QSER1: variants seen among roughly 807,000 people sequenced by gnomAD.
QSER1 encodes the protein glutamine and serine rich 1, also known as glutamine and serine-rich protein 1.
Under a neutral mutation model 158.5 loss-of-function variants are expected in QSER1, and 49 were observed. The ratio of observed to expected loss-of-function variants is 0.31; its 90% CI spans 0.25 to 0.39. The LOEUF (loss-of-function observed/expected upper bound fraction) is 0.39, where lower values mean the gene tolerates loss of function less well. QSER1 is among the 10% of genes least tolerant of loss of function. The pLI is 1.00. For synonymous variants in QSER1, 650 were observed against 715.5 expected, an observed-to-expected ratio of 0.91 and a Z score of 1.46; for missense variants, 1,754 against 2,010.3, an observed-to-expected ratio of 0.87 and a Z score of 2.44.
rs762924840 is a variant in QSER1, at chr11:32,954,124, A to C, written c.4445A>C (p.Gln1482Pro). 1 of 1,614,074 alleles carries C rather than the reference A, an allele frequency of 6.2e-7. No individual in the cohort carries two copies. Among genetic ancestry groups the C allele is most frequent in the East Asian group, 2.2e-5 (1 of 44,884 alleles). The change falls in exon 5 of 13, where the codon CAA becomes CCA. Residue 1482 changes from glutamine (Q) to proline (P), a missense_variant. By Grantham distance (76) the Gln-to-Pro change is moderately conservative (BLOSUM62 -1). Transcript: ENST00000650167. ...GACACAGAAAGCGGAGGAGAAGGCC[A>C]ATACAGAGAGCGTGATGAATTTGTG... Reference protein sequence around the residue: ...EEDTESGGEGQYRERDEFVVK... With the variant: ...EEDTESGGEGPYRERDEFVVK...
chr11:32,904,238 G>T (rs1478058667), intron 1 of QSER1, among the ~76,000 whole-genome samples: 1 of 150,862 alleles, frequency 6.6e-6, no homozygotes, highest in Non-Finnish European at 1.5e-5. Flanking sequence ...TGTCACCCAG[G>T]CTGGAGTGCA....
intron 1 of QSER1, among the ~76,000 whole-genome samples, chr11:32,921,046 A>T (rs1333145127): frequency 1.3e-5 from 2 of 152,224 alleles, no homozygotes; most frequent in African/African-American, 4.8e-5. Context: ...AAAAACTTGT[A>T]CATGAATGTT....
At chr11:32,942,435 T>G (rs1049560037) in intron 4 of QSER1, among the ~76,000 whole-genome samples, 12 of 147,448 alleles carry the variant, frequency 8.1e-5, no homozygotes, top group African/African-American at 2.8e-4. Context: ...GGATCCAGTT[T>G]CAGCTTTCTA....
At chr11:32,914,035 C>T (rs1729751804) in intron 1 of QSER1, among the ~76,000 whole-genome samples, 1 of 152,128 alleles carries the variant, frequency 6.6e-6, no homozygotes, top group Non-Finnish European at 1.5e-5. Flanking sequence ...AATTATCAAA[C>T]TGGATTAGCT....
At position 32,957,916 on chromosome 11, in the gene QSER1, T is replaced by A; in HGVS notation, c.4799T>A (p.Leu1600Gln). Reference sequence around the variant, plus strand: ...AGTAGCAGTAAAACTTCTGATCCTCTAGCATCAAAAACTACAACTACAAAA... The same window carrying A: ...AGTAGCAGTAAAACTTCTGATCCTCAAGCATCAAAAACTACAACTACAAAA... ...PSSSSKTSDP[L>Q]ASKTTTTKAP... The change falls in exon 8 of 13, where the codon CTA (leucine) becomes CAA (glutamine). Residue 1600 changes from leucine to glutamine, a missense_variant. Coordinates refer to ENST00000650167, the MANE Select transcript of QSER1 (RefSeq NM_001076786.3). 6.2e-7 allele frequency: 1 copy of A among 1,614,152 alleles called. No individual in the cohort carries two copies. Among genetic ancestry groups the A allele is most frequent in the East Asian group, 2.2e-5 (1 of 44,862 alleles).
chr11:32,919,296 A>G (rs1274939067), intron 1 of QSER1, among the ~76,000 whole-genome samples: 2 of 152,156 alleles, frequency 1.3e-5, no homozygotes, highest in Non-Finnish European at 2.9e-5. Context: ...AATTTTTAAA[A>G]GTTTTTTAGA....
rs920606722 is a variant in QSER1 at position 32,934,213 on chromosome 11, A to G, written c.2955A>G (p.Ala985=). ...NILSNVDDIL[A]ATAAACGVTP... ...TATCAAATGTAGATGATATCTTAGC[A>G]GCTACAGCAGCAGCTTGTGGAGTTA... Residue 985 remains alanine (A), a synonymous_variant, in exon 4 of 13, where the codon GCA becomes GCG. Coordinates refer to ENST00000650167, the MANE Select transcript of QSER1 (RefSeq NM_001076786.3). The G allele has an allele frequency of 6.2e-7, 1 of 1,613,934 alleles. No homozygotes were observed. The highest frequency in any genetic ancestry group is 1.3e-5 in the African/African-American group (1 of 75,034).
chr11:32,967,561 T>A (rs2133604063), intron 9 of QSER1, among the ~76,000 whole-genome samples: 1 of 152,318 alleles, frequency 6.6e-6, no homozygotes, highest in South Asian at 2.1e-4. Flanking sequence ...CCATTGTATA[T>A]GTGGTCTGTC....
rs1285082689 is a variant in QSER1 at position 32,933,163 on chromosome 11, G to A, written c.1905G>A (p.Glu635=). Residue 635 remains glutamate, a synonymous_variant, in exon 4 of 13, where the codon GAG becomes GAA. Coordinates refer to ENST00000650167, the MANE Select transcript of QSER1 (RefSeq NM_001076786.3). ...MHSSQNVQTQ[E]SSSPQSQKFL... ...CTTCCCAAAATGTTCAGACTCAAGA[G>A]TCATCATCTCCCCAGTCCCAGAAGT... The A allele has an allele frequency of 5.6e-6, 9 of 1,613,716 alleles. No individual in the cohort carries two copies. Among genetic ancestry groups the A allele is most frequent in the Middle Eastern group, 3.3e-4 (2 of 6,054 alleles).
chr11:32,963,540 A>C (rs1456836997), intron 8 of QSER1, among the ~76,000 whole-genome samples: 1 of 151,938 alleles, frequency 6.6e-6, no homozygotes, highest in African/African-American at 2.4e-5. Context: ...TTTAGTAGAG[A>C]TGGGGTTTCA....
At chr11:32,946,029 C>A (rs982590167) in intron 4 of QSER1, among the ~76,000 whole-genome samples, 92 of 151,962 alleles carry the variant, frequency 6.1e-4, no homozygotes, top group Admixed American at 1.3e-3. Flanking sequence ...TTGATCGCAT[C>A]GGCTCCTGAG....
At chr11:32,896,383 T>G (rs1369762464) in intron 1 of QSER1, among the ~76,000 whole-genome samples, 2 of 152,178 alleles carry the variant, frequency 1.3e-5, no homozygotes, top group African/African-American at 4.8e-5. Flanking sequence ...CGATGGAGTT[T>G]CGCTCTTGTT....
At position 32,928,037 on chromosome 11, in the gene QSER1, TG is replaced by T. The variant is rs1439819703; in HGVS notation, c.399del (p.Ser134LeufsTer89). 1 of 1,611,264 alleles carries T rather than the reference TG, an allele frequency of 6.2e-7. No homozygotes were observed. Among genetic ancestry groups the T allele is most frequent in the South Asian group, 1.1e-5 (1 of 90,978 alleles). ...AAAGAGTCTTCAGTGATGAATTTTC[TG>T]TCTACTGCTGAATCCCGAACTGCTC... ...NTKESSVMNF[L>X]STAESRTAQA... On this transcript the variant is annotated frameshift_variant, in exon 3 of 13. Coordinates refer to ENST00000650167, the MANE Select transcript of QSER1 (RefSeq NM_001076786.3). LOFTEE classifies it high-confidence loss of function.
At chr11:32,957,316 T>C (rs1403748995) in intron 7 of QSER1, among the ~76,000 whole-genome samples, 1 of 151,352 alleles carries the variant, frequency 6.6e-6, no homozygotes, top group Non-Finnish European at 1.5e-5. Context: ...TGGTTTTGTA[T>C]TTTTAGTAGA....
At chr11:32,949,600 T>G (rs1453616355) in intron 4 of QSER1, among the ~76,000 whole-genome samples, 1 of 152,248 alleles carries the variant, frequency 6.6e-6, no homozygotes, top group Non-Finnish European at 1.5e-5. Context: ...ATGTTTAACA[T>G]TTTGAGCCTT....
intron 1 of QSER1, among the ~76,000 whole-genome samples, chr11:32,896,696 T>C (rs140881191): frequency 1.4e-3 from 210 of 152,308 alleles, no homozygotes; most frequent in Admixed American, 4.9e-3. Context: ...GCCTGTTTTT[T>C]GCCTTTCTAA....
intron 1 of QSER1, among the ~76,000 whole-genome samples, chr11:32,917,801 G>A (rs1468027950): frequency 1.8e-5 from 2 of 112,566 alleles, no homozygotes; most frequent in African/African-American, 6.8e-5. Flanking sequence ...CAGCCTGGGT[G>A]ACAATGTGAG....
intron 1 of QSER1, among the ~76,000 whole-genome samples, chr11:32,924,510 T>A (rs893655319): frequency 1.4e-5 from 2 of 141,496 alleles, no homozygotes; most frequent in Non-Finnish European, 3.0e-5. Flanking sequence ...TAGTGAGCCG[T>A]GATCATGCCA....
At position 32,929,909 on chromosome 11, in the gene QSER1, C is replaced by T. The variant is rs1252238797; in HGVS notation, c.484+1786C>T. Among the ~76,000 whole-genome samples, 3 of 152,166 alleles carry T rather than the reference C, an allele frequency of 2.0e-5. No individual in the cohort carries two copies. The East Asian group carries it at 5.8e-4, about 29-fold the overall frequency. ...TTCAAGAAATAGAAGCTCCTTACTA[C>T]CACTTTAAGCCCCAGATATTCTCTG... On this transcript the variant is annotated intron_variant, in intron 3 of 12. Transcript: ENST00000650167.
Sources: gnomAD v4.1 joint callset for allele counts (sites outside exome capture counted in the v4.1 genomes callset) on GRCh38, gnomAD v4.1.1 for gene constraint, MANE v1.5 for transcripts, NCBI Gene and HGNC (gene_info 2026-07-23, HGNC 2026-07-21) for gene names.